Variants in RAB9B observed in about 807,000 individuals in gnomAD.
The protein encoded by RAB9B is RAB9B, member RAS oncogene family, also known as ras-related protein Rab-9B.
RAB9B carries 1 observed loss-of-function variant against 8.9 expected under a neutral mutation model. The observed-to-expected ratio is 0.11, with a 90% CI of 0.04 to 0.53. The LOEUF (loss-of-function observed/expected upper bound fraction) is 0.53, where lower values mean the gene tolerates loss of function less well. RAB9B is among the 20% of genes least tolerant of loss of function. RAB9B has a pLI of 0.93. For synonymous variants in RAB9B, 63 were observed against 57.0 expected, an observed-to-expected ratio of 1.10 and a Z score of -0.47; for missense variants, 82 against 152.9, an observed-to-expected ratio of 0.54 and a Z score of 2.45.
the RAB9B span, among the ~76,000 whole-genome samples, chrX:103,798,282 AAT>A: frequency 1.8e-5 from 2 of 112,366 alleles, no homozygotes; most frequent in Non-Finnish European, 3.8e-5. Flanking sequence ...AATATTTTAA[AAT>A]ATGTTTTATT....
the RAB9B span, among the ~76,000 whole-genome samples, chrX:103,817,051 A>G: frequency 8.9e-6 from 1 of 112,054 alleles, no homozygotes; most frequent in Admixed American, 9.5e-5. Flanking sequence ...AACTAGAAAT[A>G]CCTTTTGACC....
At chrX:103,811,981 TTCTCTCTCTCTCTC>T in the RAB9B span, among the ~76,000 whole-genome samples, 1 of 106,852 alleles carries the variant, frequency 9.4e-6, no homozygotes, top group Non-Finnish European at 1.9e-5. Context: ...TCTCCTCTCT[TTCTCTCTCTCTCTC>T]TTTTATGGAA....
chrX:103,790,631 G>T, the RAB9B span: 1 of 1,060,776 alleles, frequency 9.4e-7, no homozygotes, highest in Non-Finnish European at 1.3e-6. Context: ...CTCTAATAGC[G>T]AGGCTCTAAC....
At chrX:103,831,515 A>G (rs1227739948) in intron 1 of RAB9B, among the ~76,000 whole-genome samples, 1 of 97,646 alleles carries the variant, frequency 1.0e-5, no homozygotes, top group Non-Finnish European at 2.1e-5. Flanking sequence ...CCAAAGGCAC[A>G]CTAGATAGCA....
the RAB9B span, among the ~76,000 whole-genome samples, chrX:103,805,306 A>G: frequency 8.9e-6 from 1 of 111,769 alleles, no homozygotes; most frequent in African/African-American, 3.3e-5. Flanking sequence ...TGGCTTTCAT[A>G]TGTGAACCAG....
chrX:103,787,710 G>C, the RAB9B span: 1 of 796,056 alleles, frequency 1.3e-6, no homozygotes. Context: ...TTAATGTCTG[G>C]CACACGCCAC....
chrX:103,819,429 C>G (rs978801206), downstream of RAB9B, among the ~76,000 whole-genome samples: 4 of 111,637 alleles, frequency 3.6e-5, no homozygotes, highest in Non-Finnish European at 7.5e-5. Flanking sequence ...TCATCATTCT[C>G]TGTGTTTCCT....
At chrX:103,802,999 G>A in the RAB9B span, among the ~76,000 whole-genome samples, 1 of 111,721 alleles carries the variant, frequency 9.0e-6, no homozygotes, top group Non-Finnish European at 1.9e-5. Context: ...GCATGTATCA[G>A]TACTTTGTTC....
chrX:103,795,518 AAGTGTAT>A, the RAB9B span, among the ~76,000 whole-genome samples: 1 of 111,655 alleles, frequency 9.0e-6, no homozygotes, highest in East Asian at 2.8e-4. Flanking sequence ...TGATATCTGA[AAGTGTAT>A]AGATGGTTTT....
the RAB9B span, among the ~76,000 whole-genome samples, chrX:103,778,219 G>C: frequency 8.9e-6 from 1 of 112,443 alleles, no homozygotes; most frequent in Non-Finnish European, 1.9e-5. Context: ...TCAGGGTTGT[G>C]AGAATCAAGT....
the RAB9B span, chrX:103,788,548 C>A: frequency 1.0e-6 from 1 of 987,238 alleles, no homozygotes; most frequent in Non-Finnish European, 1.4e-6. Context: ...AAGGGAGTAG[C>A]TAATACCATA....
chrX:103,803,884 A>G, the RAB9B span, among the ~76,000 whole-genome samples: 1 of 112,712 alleles, frequency 8.9e-6, no homozygotes, highest in Non-Finnish European at 1.9e-5. Context: ...CCTACTTTAC[A>G]TATTTTAGCT....
the RAB9B span, chrX:103,792,711 TCATC>T: frequency 8.9e-6 from 1 of 112,651 alleles, no homozygotes; most frequent in Non-Finnish European, 1.9e-5. Flanking sequence ...ATTTTTCAGC[TCATC>T]CAAGTCATTC....
At chrX:103,802,750 A>G in the RAB9B span, among the ~76,000 whole-genome samples, 1 of 111,518 alleles carries the variant, frequency 9.0e-6, no homozygotes, top group South Asian at 3.8e-4. Flanking sequence ...TGCAACTATG[A>G]CCACAACCAA....
chrX:103,787,665 T>C, the RAB9B span: 1 of 573,987 alleles, frequency 1.7e-6, no homozygotes. Context: ...CCCTGCTCAC[T>C]AATTTCATTT....
chrX:103,797,097 T>C, the RAB9B span, among the ~76,000 whole-genome samples: 1 of 106,266 alleles, frequency 9.4e-6, no homozygotes, highest in African/African-American at 3.4e-5. Context: ...CTTTTTTTTT[T>C]TTTTTTTTGA....
rs767064049 is a variant in RAB9B at position 103,825,283 on chromosome X, C to T, written c.502G>A (p.Ala168Thr). The change falls in exon 3 of 3, where the codon GCT becomes ACT. Residue 168 changes from alanine to threonine, a missense_variant. Physicochemically the swap from Ala to Thr is moderately conservative, Grantham distance 58 (BLOSUM62 0). Transcript: ENST00000243298. ...DTNVTVAFEE[A>T]VRQVLAVEEQ... Reference sequence around the variant, plus strand: ...TCTACAGCCAGCACCTGCCTGACAGCTTCTTCAAAGGCCACTGTCACATTA... The same window carrying T: ...TCTACAGCCAGCACCTGCCTGACAGTTTCTTCAAAGGCCACTGTCACATTA... 1 of 1,211,698 alleles carries T rather than the reference C, an allele frequency of 8.3e-7. No homozygotes were observed. The highest frequency in any genetic ancestry group is 2.2e-5 in the Admixed American group (1 of 46,015).
In RAB9B at chrX:103,823,096, A is replaced by G. The variant is rs2074668765; in HGVS notation, c.*2083T>C. Reference sequence around the variant, plus strand: ...TTATGATGAAGGCCTGAGATCTACAAATAGAAACTAGTATAAGCAGAGTGC... The same window carrying G: ...TTATGATGAAGGCCTGAGATCTACAGATAGAAACTAGTATAAGCAGAGTGC... On this transcript the variant is annotated 3_prime_UTR_variant, in exon 3 of 3. Coordinates refer to ENST00000243298, the MANE Select transcript of RAB9B (RefSeq NM_016370.4). The G allele has an allele frequency of 9.1e-6, 1 of 110,022 alleles. No homozygotes were observed. The highest frequency in any genetic ancestry group is 2.8e-4 in the East Asian group (1 of 3,509). 9.1% of individuals were successfully genotyped at this position (110,022 alleles called of 1,213,427 possible). A position where few individuals can be genotyped will look rare whatever the true frequency, so the allele number is the denominator to read the frequency against.
downstream of RAB9B, among the ~76,000 whole-genome samples, chrX:103,818,830 TA>T: frequency 8.9e-6 from 1 of 112,260 alleles, no homozygotes; most frequent in Non-Finnish European, 1.9e-5. Flanking sequence ...TTTAATTTTT[TA>T]AATCTTGCTT....
Sources: gnomAD v4.1 joint callset for allele counts (sites outside exome capture counted in the v4.1 genomes callset) on GRCh38, gnomAD v4.1.1 for gene constraint, MANE v1.5 for transcripts, NCBI Gene and HGNC (gene_info 2026-07-23, HGNC 2026-07-21) for gene names.